Variants in ESRRA observed in about 807,000 individuals in gnomAD.
ESRRA encodes the protein steroid hormone receptor ERR1.
ESRRA carries 7 observed loss-of-function variants against 35.6 expected under a neutral mutation model. The observed-to-expected ratio is 0.20, with a 90% CI of 0.11 to 0.37. The LOEUF is 0.37. ESRRA is among the 10% of genes least tolerant of loss of function. The probability of loss-of-function intolerance (pLI) is 1.00; values close to 1 mark genes in which losing one functional copy is unlikely to be tolerated. For synonymous variants in ESRRA, 223 were observed against 246.9 expected (o/e 0.90, Z 0.91); for missense variants, 378 against 561.7 (o/e 0.67, Z 3.31).
chr11:64,314,146 TG>T (rs1303114599), intron 3 of ESRRA, 79 bp downstream of exon 3: 32 of 1,554,684 alleles, frequency 2.1e-5, no homozygotes, highest in Non-Finnish European at 2.6e-5. Context: ...CTGGGAGTTC[TG>T]GTGAGTGGAC....
chr11:64,306,505 G>C (rs1200642336), intron 1 of ESRRA: 1 of 152,816 alleles, frequency 6.5e-6, no homozygotes, highest in Non-Finnish European at 1.5e-5. Flanking sequence ...GTGGATGTGG[G>C]GAGACCTAGT....
intron 2 of ESRRA, among the ~76,000 whole-genome samples, chr11:64,308,322 C>T (rs945801769): frequency 2.0e-5 from 3 of 151,484 alleles, no homozygotes; most frequent in African/African-American, 7.3e-5. Context: ...CGAGACCAGC[C>T]TGGCCAGGGT....
rs1181830488 is a variant in ESRRA at position 64,316,474 on chromosome 11, C to G, written c.*508C>G. ...AATAACTCCAAGCAGACTCCAGCCC[C>G]TGGACCCCTGGGGTGGCCAGGGCTT... On this transcript the variant is annotated 3_prime_UTR_variant, in exon 7 of 7. Coordinates refer to ENST00000000442, the MANE Select transcript of ESRRA (RefSeq NM_004451.5). 4.6e-6 allele frequency: 1 copy of G among 217,956 alleles called. No individual in the cohort carries two copies. The highest frequency in any genetic ancestry group is 2.3e-5 in the African/African-American group (1 of 42,994). 13.5% of individuals were successfully genotyped at this position (217,956 alleles called of 1,614,324 possible). A position where few individuals can be genotyped will look rare whatever the true frequency, so the allele number is the denominator to read the frequency against.
intron 2 of ESRRA, among the ~76,000 whole-genome samples, chr11:64,309,012 G>A (rs1310337023): frequency 2.0e-5 from 3 of 152,098 alleles, no homozygotes; most frequent in African/African-American, 4.8e-5. Flanking sequence ...TCAAGAGGCT[G>A]AGACAGGAGA....
At chr11:64,309,820 T>C (rs1250314837) in intron 2 of ESRRA, among the ~76,000 whole-genome samples, 2 of 150,214 alleles carry the variant, frequency 1.3e-5, no homozygotes, top group Non-Finnish European at 3.0e-5. Context: ...TAGTCCCAGC[T>C]ACTCAGGAGG....
chr11:64,310,777 A>G (rs1306856457), intron 2 of ESRRA, among the ~76,000 whole-genome samples: 2 of 150,914 alleles, frequency 1.3e-5, no homozygotes, highest in Non-Finnish European at 3.0e-5. Context: ...CAAACTCCTG[A>G]CCTCAGGCGA....
chr11:64,315,288 A>T lies in ESRRA; in HGVS notation c.1012+18A>T. The T allele has an allele frequency of 1.3e-6, 2 of 1,536,492 alleles. 1 individual carries two copies. Among genetic ancestry groups the T allele is most frequent in the Non-Finnish European group, 1.8e-6 (2 of 1,139,692 alleles). On this transcript the variant is annotated intron_variant, in intron 6 of 6. Transcript: ENST00000000442. ...CAATTCAGGTGAGTCTGGGGCAGGC[A>T]CTGACAGGTGAGGTGTCTCCGTAAG...
In ESRRA at chr11:64,316,735, G is replaced by C; in HGVS notation, c.*769G>C. The C allele has an allele frequency of 1.5e-6, 1 of 680,592 alleles. No homozygotes were observed. Among genetic ancestry groups the C allele is most frequent in the Non-Finnish European group, 2.6e-6 (1 of 379,400 alleles). The allele number at this position is 680,592 out of a possible 1,614,324, so 42.2% of individuals were successfully genotyped here. On this transcript the variant is annotated 3_prime_UTR_variant, in exon 7 of 7. Transcript: ENST00000000442. ...ATGAGAAAAAAATATATAATACCGAGCTCAAAAACACTGTGTTTGGTGTCA... is the reference window on the plus strand; with the variant it reads ...ATGAGAAAAAAATATATAATACCGACCTCAAAAACACTGTGTTTGGTGTCA...
At position 64,315,745 on chromosome 11, in the gene ESRRA, C is replaced by A. The variant is rs2035239967; in HGVS notation, c.1051C>A (p.Leu351Met). The A allele has an allele frequency of 6.2e-7, 1 of 1,613,962 alleles. No homozygotes were observed. The highest frequency in any genetic ancestry group is 8.5e-7 in the Non-Finnish European group (1 of 1,179,836). ...CGAAGATGCCGAGGCTGTGGAGCAG[C>A]TGCGAGAAGCTCTGCACGAGGCCCT... Reference protein sequence around the residue: ...HIEDAEAVEQLREALHEALLE... With the variant: ...HIEDAEAVEQMREALHEALLE... Residue 351 changes from leucine (L) to methionine (M), a missense_variant, in exon 7 of 7, where the codon CTG becomes ATG. Leu to Met is a conservative substitution (Grantham distance 15). Transcript: ENST00000000442.
intron 2 of ESRRA, among the ~76,000 whole-genome samples, chr11:64,311,207 G>T (rs1419850467): frequency 1.3e-5 from 2 of 152,182 alleles, no homozygotes; most frequent in Admixed American, 1.3e-4. Flanking sequence ...GTCCCTGTTC[G>T]GCACAGACCT....
Position 64,315,256 on chromosome 11 carries a change from C to T in ESRRA, c.998C>T (p.Ala333Val). The change falls in exon 6 of 7, where the codon GCC becomes GTC. Residue 333 changes from alanine to valine, a missense_variant. Ala to Val is a moderately conservative substitution (Grantham distance 64). Coordinates refer to ENST00000000442, the MANE Select transcript of ESRRA (RefSeq NM_004451.5). ...GAGTATGTTCTACTAAAGGCCTTGG[C>T]CCTTGCCAATTCAGGTGAGTCTGGG... ...REEYVLLKAL[A>V]LANSDSVHIE... 1.3e-6 allele frequency: 2 copies of T among 1,565,238 alleles called. No individual in the cohort carries two copies. The highest frequency in any genetic ancestry group is 8.7e-7 in the Non-Finnish European group (1 of 1,152,540).
chr11:64,316,110 C>A lies in ESRRA; in HGVS notation c.*144C>A. ...AATGCCATCAGCCCCTGGGAACAGG[C>A]CCCACGCCCTCTCCTCCCCCTCCTA... On this transcript the variant is annotated 3_prime_UTR_variant, in exon 7 of 7. Transcript: ENST00000000442. The A allele has an allele frequency of 1.0e-6, 1 of 972,586 alleles. No individual in the cohort carries two copies. Among genetic ancestry groups the A allele is most frequent in the South Asian group, 1.7e-5 (1 of 58,642 alleles). 60.2% of individuals were successfully genotyped at this position (972,586 alleles called of 1,614,324 possible). A position where few individuals can be genotyped will look rare whatever the true frequency, so the allele number is the denominator to read the frequency against.
intron 2 of ESRRA, among the ~76,000 whole-genome samples, chr11:64,308,283 G>C (rs1156850996): frequency 2.6e-5 from 4 of 152,156 alleles, no homozygotes; most frequent in African/African-American, 7.2e-5. Context: ...GGGAGGCCAA[G>C]GTGGGCGGAT....
rs769180208 is a variant in ESRRA at position 64,315,020 on chromosome 11, G to C, written c.762G>C (p.Leu254=). The C allele has an allele frequency of 1.3e-6, 2 of 1,599,744 alleles. No individual in the cohort carries two copies. The highest frequency in any genetic ancestry group is 1.1e-5 in the South Asian group (1 of 89,922). The change falls in exon 6 of 7, where the codon CTG becomes CTC. Residue 254 remains leucine, a synonymous_variant. Transcript: ENST00000000442. ...KSIPGFSSLS[L]SDQMSVLQSV... is the part of the protein sequence containing the mutation. ...CCCTAGGCTTCTCATCGCTGTCGCT[G>C]TCTGACCAGATGTCAGTACTGCAGA...
In ESRRA at chr11:64,315,182, C is replaced by A. The variant is rs1204652730; in HGVS notation, c.924C>A (p.Ala308=). 1.2e-6 allele frequency: 2 copies of A among 1,612,914 alleles called. No individual in the cohort carries two copies. Among genetic ancestry groups the A allele is most frequent in the South Asian group, 1.1e-5 (1 of 90,992 alleles). The change falls in exon 6 of 7, where the codon GCC becomes GCA. Residue 308 remains alanine, a synonymous_variant. Transcript: ENST00000000442. ...RAAGLGELGA[A]LLQLVRRLQA... The stretch of plus-strand genomic sequence containing the variant: ...CTGGCCTGGGGGAACTGGGGGCTGC[C>A]CTGCTGCAACTAGTGCGGCGGCTGC...
In ESRRA at chr11:64,313,045, C is replaced by T. The variant is rs1471995996; in HGVS notation, c.326-906C>T. Among the ~76,000 whole-genome samples the T allele has an allele frequency of 6.6e-6, 1 of 152,148 alleles. No individual in the cohort carries two copies. Among genetic ancestry groups the T allele is most frequent in the African/African-American group, 2.4e-5 (1 of 41,442 alleles). ...GATGTAATGGAGGCTTAATAGGACC[C>T]TCTTGGCTGCTGAGTCGAGAACAGA... On this transcript the variant is annotated intron_variant, in intron 2 of 6. Transcript: ENST00000000442. This position sits in a 1 kb window ranked among gnomAD's most constrained non-coding sequence, Gnocchi z 4.0.
chr11:64,314,091 C>T (rs950664417), intron 3 of ESRRA, 24 bp downstream of exon 3: 14 of 1,568,518 alleles, frequency 8.9e-6, no homozygotes, highest in Admixed American at 1.8e-5. Flanking sequence ...AGGGGCTGGG[C>T]GAGGGCTGGG....
chr11:64,315,174 G>C lies in ESRRA; in HGVS notation c.916G>C (p.Gly306Arg). Residue 306 changes from glycine to arginine, a missense_variant, in exon 6 of 7, where the codon GGG becomes CGG. This residue lies in a region of ESRRA where 284 missense variants were observed against 411.7 expected (regional missense o/e 0.69). Coordinates refer to ENST00000000442, the MANE Select transcript of ESRRA (RefSeq NM_004451.5). ...GARAAGLGELGAALLQLVRRL... is the reference protein window; with the variant it reads ...GARAAGLGELRAALLQLVRRL... ...ACGGGCAGCTGGCCTGGGGGAACTG[G>C]GGGCTGCCCTGCTGCAACTAGTGCG... The C allele has an allele frequency of 6.2e-7, 1 of 1,613,110 alleles. No homozygotes were observed. Among genetic ancestry groups the C allele is most frequent in the Non-Finnish European group, 8.5e-7 (1 of 1,179,862 alleles).
Position 64,315,925 on chromosome 11 carries a change from C to G in ESRRA, c.1231C>G (p.His411Asp), listed in dbSNP as rs774122758. 6.3e-7 allele frequency: 1 copy of G among 1,596,888 alleles called. No homozygotes were observed. Among genetic ancestry groups the G allele is most frequent in the South Asian group, 1.1e-5 (1 of 89,328 alleles). ...GVKLEGKVPM[H>D]KLFLEMLEAM... ...GAAGCTGGAGGGCAAGGTGCCCATG[C>G]ACAAGCTGTTCTTGGAGATGCTCGA... is the stretch of plus-strand genomic sequence containing the variant. Residue 411 changes from histidine (H) to aspartate (D), a missense_variant, in exon 7 of 7, where the codon CAC becomes GAC. Around this residue, in one of 4 missense-constraint regions of ESRRA, gnomAD observed 284 missense variants for 411.7 expected, o/e 0.69. Transcript: ENST00000000442.
Sources: gnomAD v4.1 joint callset for allele counts (sites outside exome capture counted in the v4.1 genomes callset) on GRCh38, gnomAD v4.1.1 for gene constraint, gnomAD v4.1.1 regional missense constraint, Gnocchi (gnomAD v3.1) non-coding constraint, MANE v1.5 for transcripts, NCBI Gene and HGNC (gene_info 2026-07-23, HGNC 2026-07-21) for gene names.